The following CDH22 variants were observed in gnomAD, a reference collection of about 807,000 sequenced individuals.
CDH22 encodes the protein cadherin 22, also known as cadherin-22.
A neutral mutation model predicts 58.4 loss-of-function variants in CDH22; 30 were observed. That is an observed-to-expected ratio of 0.51 (90% confidence interval 0.38 to 0.70). The LOEUF (loss-of-function observed/expected upper bound fraction) is 0.70. Among genes scored for constraint, CDH22 ranks in the 30% least tolerant of loss-of-function variants. The probability of loss-of-function intolerance (pLI) is 0.00; values close to 1 mark genes in which losing one functional copy is unlikely to be tolerated. For missense variants in CDH22, 1,014 were observed against 1,233.9 expected, an observed-to-expected ratio of 0.82 and a Z score of 2.67; for synonymous variants, 513 against 558.2, an observed-to-expected ratio of 0.92 and a Z score of 1.14.
At chr20:46,201,026 G>A (rs1211472585) in intron 7 of CDH22, among the ~76,000 whole-genome samples, 2 of 152,210 alleles carry the variant, frequency 1.3e-5, no homozygotes, top group East Asian at 3.9e-4. Flanking sequence ...CCTTCTTCCC[G>A]GGCCTTTGTG....
At chr20:46,238,300 C>T (rs1462098963) in intron 3 of CDH22, among the ~76,000 whole-genome samples, 3 of 152,128 alleles carry the variant, frequency 2.0e-5, no homozygotes, top group Non-Finnish European at 2.9e-5. Context: ...TAGGGGCTGC[C>T]GGACCTAGAA....
chr20:46,195,565 C>A (rs1243958843), intron 8 of CDH22, among the ~76,000 whole-genome samples: 1 of 152,082 alleles, frequency 6.6e-6, no homozygotes. Flanking sequence ...GCTGGGTGCC[C>A]CCCTTGGCAC....
chr20:46,187,799 C>T (rs2085837217), intron 8 of CDH22, among the ~76,000 whole-genome samples: 1 of 152,186 alleles, frequency 6.6e-6, no homozygotes, highest in South Asian at 2.1e-4. Context: ...CGTGGAGCAT[C>T]TACATTCATT....
At chr20:46,193,596 C>T (rs1019567242) in intron 8 of CDH22, among the ~76,000 whole-genome samples, 1 of 152,166 alleles carries the variant, frequency 6.6e-6, no homozygotes, top group Non-Finnish European at 1.5e-5. Flanking sequence ...TCTGGTTCCT[C>T]ATGGGACACC....
At chr20:46,249,655 G>A (rs879540395) in intron 2 of CDH22, among the ~76,000 whole-genome samples, 5 of 152,104 alleles carry the variant, frequency 3.3e-5, no homozygotes, top group Non-Finnish European at 7.3e-5. Flanking sequence ...GGAAGCTCTG[G>A]AGTTTTCTTT....
intron 3 of CDH22, among the ~76,000 whole-genome samples, chr20:46,234,789 A>G (rs2086242305): frequency 6.6e-6 from 1 of 152,204 alleles, no homozygotes; most frequent in Non-Finnish European, 1.5e-5. Context: ...AACAGTCACT[A>G]CCAATTGATC....
intron 7 of CDH22, among the ~76,000 whole-genome samples, chr20:46,205,948 C>T (rs1284142701): frequency 4.6e-5 from 7 of 152,160 alleles, no homozygotes; most frequent in Non-Finnish European, 1.0e-4. Flanking sequence ...CCTCTTCGTC[C>T]CCTTGCAGGG....
At chr20:46,205,162 C>T (rs73622658) in intron 7 of CDH22, among the ~76,000 whole-genome samples, 2 of 151,934 alleles carry the variant, frequency 1.3e-5, no homozygotes, top group East Asian at 3.9e-4. Context: ...CAGAAAAGCC[C>T]ACACATGATG....
At chr20:46,209,859 A>C in intron 7 of CDH22, 2 of 160,238 alleles carry the variant, frequency 1.2e-5, no homozygotes, top group Non-Finnish European at 1.4e-5. Context: ...GAGACCAGGA[A>C]CCCAGTTCTG....
intron 2 of CDH22, among the ~76,000 whole-genome samples, chr20:46,243,213 CACGCAG>C (rs1568671142): frequency 6.6e-6 from 1 of 152,246 alleles, no homozygotes; most frequent in Non-Finnish European, 1.5e-5. Flanking sequence ...CATCCCCTGC[CACGCAG>C]GAGGAGCCGG....
intron 7 of CDH22, among the ~76,000 whole-genome samples, chr20:46,207,533 C>T (rs2086010141): frequency 6.6e-6 from 1 of 152,194 alleles, no homozygotes; most frequent in Admixed American, 6.5e-5. Flanking sequence ...GACTATGCCA[C>T]CAGCCCGGGT....
At chr20:46,204,393 CAAAAAAAA>C (rs3092239) in intron 7 of CDH22, among the ~76,000 whole-genome samples, 2 of 77,276 alleles carry the variant, frequency 2.6e-5, no homozygotes, top group Non-Finnish European at 4.8e-5. Flanking sequence ...GACTCTGTCT[CAAAAAAAA>C]AAAAAAAAAA....
rs33937889 is a variant in CDH22, at chr20:46,178,586, C to CTTTTTTT, written c.1664-396_1664-390dup. ...GCCAAGGTCCTGTCCCTGGCGTTGT[C>CTTTTTTT]TTTTTTTTTTTTTTTTTTTTTGCCA... On this transcript the variant is annotated intron_variant, in intron 10 of 11. Coordinates refer to ENST00000537909, the MANE Select transcript of CDH22 (RefSeq NM_021248.3). 4.2e-3 allele frequency among the ~76,000 whole-genome samples: 396 copies of CTTTTTTT among 95,320 alleles called. 20 individuals carry two copies. The highest frequency in any genetic ancestry group is 6.2e-3 in the Middle Eastern group (1 of 162). 62.5% of individuals were successfully genotyped at this position (95,320 alleles called of 152,430 possible).
intron 4 of CDH22, among the ~76,000 whole-genome samples, chr20:46,225,091 G>A (rs1448917974): frequency 2.0e-5 from 3 of 152,234 alleles, no homozygotes; most frequent in Non-Finnish European, 4.4e-5. Context: ...TGCACTGTAG[G>A]TGAGGAGGAG....
At chr20:46,294,905 C>G (rs2086621815) in intron 1 of CDH22, among the ~76,000 whole-genome samples, 1 of 152,240 alleles carries the variant, frequency 6.6e-6, no homozygotes, top group African/African-American at 2.4e-5. Flanking sequence ...AGGCCTGGCA[C>G]CCGGCAGACA....
At chr20:46,290,753 A>G (rs998016225) in intron 1 of CDH22, among the ~76,000 whole-genome samples, 2 of 152,132 alleles carry the variant, frequency 1.3e-5, no homozygotes, top group African/African-American at 4.8e-5. Flanking sequence ...CAGGGAATTC[A>G]CGAAGCTAGA....
chr20:46,251,471 G>A lies in CDH22; in HGVS notation c.-177C>T, dbSNP rs1600717004. ...GCGGCCCTGAACGCCGCCCAGCCGC[G>A]GGGGTACCCGGCTGGAGGGGGAGGG... On this transcript the variant is annotated 5_prime_UTR_variant, in exon 2 of 12. Coordinates refer to ENST00000537909, the MANE Select transcript of CDH22 (RefSeq NM_021248.3). The surrounding 1 kb of genome is among the most constrained non-coding windows in gnomAD (Gnocchi z 6.7). 3 of 630,378 alleles carry A rather than the reference G, an allele frequency of 4.8e-6. No individual in the cohort carries two copies. The highest frequency in any genetic ancestry group is 4.6e-6 in the Non-Finnish European group (2 of 438,186). The allele number at this position is 630,378 out of a possible 1,614,324, so 39.0% of individuals were successfully genotyped here. A position where few individuals can be genotyped will look rare whatever the true frequency, so the allele number is the denominator to read the frequency against.
intron 4 of CDH22, among the ~76,000 whole-genome samples, chr20:46,223,829 C>T (rs60630812): frequency 6.1e-4 from 3 of 4,940 alleles, no homozygotes; most frequent in Admixed American, 1.7e-3. Flanking sequence ...TTCCTTCCTT[C>T]CTTCCTTCCT....
At chr20:46,268,597 T>C (rs2086473193) in intron 1 of CDH22, among the ~76,000 whole-genome samples, 1 of 151,974 alleles carries the variant, frequency 6.6e-6, no homozygotes, top group Non-Finnish European at 1.5e-5. Flanking sequence ...CTGGTAACCA[T>C]GGCAAGCTCC....
Sources: allele counts gnomAD v4.1 joint callset (sites outside exome capture counted in the v4.1 genomes callset), GRCh38; gene constraint gnomAD v4.1.1; non-coding constraint Gnocchi (gnomAD v3.1); transcripts MANE v1.5; gene names NCBI Gene and HGNC (gene_info 2026-07-23, HGNC 2026-07-21).